CDH18: variants seen among roughly 807,000 people sequenced by gnomAD.
The protein encoded by CDH18 is cadherin-18.
Under a neutral mutation model 67.9 loss-of-function variants are expected in CDH18, and 31 were observed. The observed-to-expected ratio is 0.46, with a 90% confidence interval of 0.34 to 0.62. CDH18 has a LOEUF of 0.62. CDH18 is among the 20% of genes least tolerant of loss of function. The pLI is 0.01. For missense variants in CDH18, 890 were observed against 975.5 expected (o/e 0.91, Z 1.17); for synonymous variants, 362 against 347.2 (o/e 1.04, Z -0.48).
At chr5:19,531,671 C>A (rs1464037492) in intron 9 of CDH18, among the ~76,000 whole-genome samples, 1 of 152,008 alleles carries the variant, frequency 6.6e-6, no homozygotes, top group Non-Finnish European at 1.5e-5. Context: ...GTAGCTCACA[C>A]CTGTAATCCC....
At chr5:19,618,300 G>A (rs1199494290) in intron 5 of CDH18, among the ~76,000 whole-genome samples, 1 of 151,804 alleles carries the variant, frequency 6.6e-6, no homozygotes, top group Non-Finnish European at 1.5e-5. Flanking sequence ...CTGCCTCTCG[G>A]GTTCAAGTGA....
chr5:20,031,300 T>C (rs1380635440), intron 2 of CDH18, among the ~76,000 whole-genome samples: 1 of 152,124 alleles, frequency 6.6e-6, no homozygotes, highest in African/African-American at 2.4e-5. Context: ...GAAGAAAAGA[T>C]AGACTTGAAA....
intron 5 of CDH18, among the ~76,000 whole-genome samples, chr5:19,624,363 T>C (rs920930416): frequency 6.6e-6 from 1 of 152,154 alleles, no homozygotes; most frequent in Non-Finnish European, 1.5e-5. Flanking sequence ...GCTGTCATGT[T>C]AGGCATGCTA....
chr5:20,399,687 T>C (rs1745597283), intron 1 of CDH18, among the ~76,000 whole-genome samples: 1 of 152,206 alleles, frequency 6.6e-6, no homozygotes, highest in South Asian at 2.1e-4. Flanking sequence ...GGTTTGTTTA[T>C]AATGTTAAGA....
intron 2 of CDH18, among the ~76,000 whole-genome samples, chr5:19,887,720 C>A (rs1006191043): frequency 2.0e-5 from 3 of 151,556 alleles, no homozygotes; most frequent in Admixed American, 6.6e-5. Context: ...CAGGTGCACA[C>A]CACCATGTGT....
Position 19,967,735 on chromosome 5 carries a change from T to C in CDH18, c.-257+13325A>G, listed in dbSNP as rs573761442. Among the ~76,000 whole-genome samples, 3 of 152,220 alleles carry C rather than the reference T, an allele frequency of 2.0e-5. No individual in the cohort carries two copies. In the East Asian group the frequency reaches 5.8e-4, roughly 29 times the overall value. On this transcript the variant is annotated intron_variant, in intron 2 of 12. Coordinates refer to ENST00000382275, the MANE Select transcript of CDH18 (RefSeq NM_004934.5). ...TATGACAAACCCACAGCCAATATCATACTGAATGGGCAAAAACTGGAAGCA... is the reference window on the plus strand; with the variant it reads ...TATGACAAACCCACAGCCAATATCACACTGAATGGGCAAAAACTGGAAGCA...
chr5:20,142,159 T>C (rs968026270), intron 2 of CDH18, among the ~76,000 whole-genome samples: 2 of 152,146 alleles, frequency 1.3e-5, no homozygotes, highest in African/African-American at 4.8e-5. Context: ...ATAGTTCAGT[T>C]AGTTACAGAG....
intron 10 of CDH18, among the ~76,000 whole-genome samples, chr5:19,517,699 C>T (rs1436805961): frequency 6.6e-6 from 1 of 152,016 alleles, no homozygotes; most frequent in Non-Finnish European, 1.5e-5. Flanking sequence ...CTTGATATTT[C>T]CATCAATTTG....
At chr5:20,224,643 C>A (rs2126467741) in intron 2 of CDH18, among the ~76,000 whole-genome samples, 1 of 151,714 alleles carries the variant, frequency 6.6e-6, no homozygotes, top group Non-Finnish European at 1.5e-5. Flanking sequence ...TGCCTTTTGG[C>A]TAAAACTTTG....
chr5:19,930,561 T>G (rs1045476703), intron 2 of CDH18, among the ~76,000 whole-genome samples: 1 of 152,042 alleles, frequency 6.6e-6, no homozygotes, highest in Admixed American at 6.6e-5. Context: ...GGAGGAAATA[T>G]TGATCATGTG....
At chr5:19,676,903 T>C (rs1759567953) in intron 5 of CDH18, among the ~76,000 whole-genome samples, 3 of 152,126 alleles carry the variant, frequency 2.0e-5, no homozygotes, top group Non-Finnish European at 4.4e-5. Flanking sequence ...CATACTTTCC[T>C]TTCTTTCTTG....
At chr5:19,725,717 T>G (rs1256895670) in intron 4 of CDH18, among the ~76,000 whole-genome samples, 1 of 152,128 alleles carries the variant, frequency 6.6e-6, no homozygotes, top group Non-Finnish European at 1.5e-5. Context: ...TGCGGTGAGC[T>G]GAGATCACAC....
chr5:20,382,902 C>T (rs1349649497), intron 1 of CDH18, among the ~76,000 whole-genome samples: 1 of 152,084 alleles, frequency 6.6e-6, no homozygotes, highest in Non-Finnish European at 1.5e-5. Context: ...CATGCTCCTA[C>T]AAGTCATTCA....
intron 1 of CDH18, among the ~76,000 whole-genome samples, chr5:20,296,307 G>T (rs1747519026): frequency 1.3e-5 from 2 of 151,036 alleles, no homozygotes; most frequent in African/African-American, 2.4e-5. Flanking sequence ...AGGCTGGAGT[G>T]CAGTGGCGCC....
intron 3 of CDH18, among the ~76,000 whole-genome samples, chr5:19,752,943 C>T (rs761058736): frequency 2.0e-4 from 30 of 152,134 alleles, no homozygotes; most frequent in Non-Finnish European, 3.8e-4. Flanking sequence ...AATCACTATA[C>T]CTTGGCTCTC....
chr5:19,556,623 A>C (rs985402000), intron 8 of CDH18, among the ~76,000 whole-genome samples: 1 of 152,160 alleles, frequency 6.6e-6, no homozygotes, highest in African/African-American at 2.4e-5. Flanking sequence ...GAAGTTTGGA[A>C]TTATATTAAA....
chr5:19,650,563 C>G (rs1197812422), intron 5 of CDH18, among the ~76,000 whole-genome samples: 2 of 152,016 alleles, frequency 1.3e-5, no homozygotes. Flanking sequence ...GACACTCACA[C>G]TTGGAAAAAT....
chr5:20,338,066 C>CT (rs1198812719), intron 1 of CDH18, among the ~76,000 whole-genome samples: 1 of 152,186 alleles, frequency 6.6e-6, no homozygotes, highest in African/African-American at 2.4e-5. Flanking sequence ...ATGGGAAAGA[C>CT]TTGCCCCCAT....
intron 2 of CDH18, among the ~76,000 whole-genome samples, chr5:19,926,913 T>C (rs1407583192): frequency 6.6e-6 from 1 of 152,152 alleles, no homozygotes; most frequent in Non-Finnish European, 1.5e-5. Flanking sequence ...CATAAGGGTA[T>C]ACCTCAATGA....
Sources: gnomAD v4.1 joint callset for allele counts (sites outside exome capture counted in the v4.1 genomes callset) on GRCh38, gnomAD v4.1.1 for gene constraint, MANE v1.5 for transcripts, NCBI Gene and HGNC (gene_info 2026-07-23, HGNC 2026-07-21) for gene names.